PPIF: variants seen among roughly 807,000 people sequenced by gnomAD.
The protein encoded by PPIF is peptidylprolyl isomerase F.
Under a neutral mutation model 20.2 loss-of-function variants are expected in PPIF, and 23 were observed. That is an observed-to-expected ratio of 1.14 (90% confidence interval 0.82 to 1.61). PPIF has a LOEUF of 1.61. Among genes scored for constraint, PPIF ranks in the 40% most tolerant of loss-of-function variants. The pLI, the probability that PPIF is intolerant of heterozygous loss-of-function variation, is 0.00. For synonymous variants in PPIF, 113 were observed against 123.1 expected, an observed-to-expected ratio of 0.92 and a Z score of 0.54; for missense variants, 287 against 291.6, an observed-to-expected ratio of 0.98 and a Z score of 0.11.
chr10:79,353,449 G>A (rs1036534649), intron 5 of PPIF, among the ~76,000 whole-genome samples: 12 of 152,186 alleles, frequency 7.9e-5, no homozygotes, highest in African/African-American at 2.7e-4. Flanking sequence ...TGATAGATGG[G>A]GTTACCAGGA....
chr10:79,353,920 G>A lies in PPIF; in HGVS notation c.*78G>A, dbSNP rs1856015580. The A allele has an allele frequency of 1.3e-6, 2 of 1,494,550 alleles. No homozygotes were observed. Among genetic ancestry groups the A allele is most frequent in the African/African-American group, 1.4e-5 (1 of 72,802 alleles). The allele number at this position is 1,494,550 out of a possible 1,614,324, so 92.6% of individuals were successfully genotyped here. Reference sequence around the variant, plus strand: ...GTGGCCGCGTTGGGCTGTCAGCCAAGGTGCCTGAAACGATACGTGTGCCCA... The same window carrying A: ...GTGGCCGCGTTGGGCTGTCAGCCAAAGTGCCTGAAACGATACGTGTGCCCA... On this transcript the variant is annotated 3_prime_UTR_variant, in exon 6 of 6. Coordinates refer to ENST00000225174, the MANE Select transcript of PPIF (RefSeq NM_005729.4).
In PPIF at chr10:79,347,659, G is replaced by T. The variant is rs758391428; in HGVS notation, c.111G>T (p.Pro37=). Residue 37 remains proline (P), a synonymous_variant, in exon 1 of 6, where the codon CCG becomes CCT. Transcript: ENST00000225174. The part of the protein sequence containing the change: ...ARACSKGSGD[P]SSSSSSGNPL... Reference sequence around the variant, plus strand: ...CCTGCAGCAAGGGCTCCGGCGACCCGTCCTCTTCCTCCTCCTCCGGGAACC... The same window carrying T: ...CCTGCAGCAAGGGCTCCGGCGACCCTTCCTCTTCCTCCTCCTCCGGGAACC... 2.0e-6 allele frequency: 3 copies of T among 1,470,550 alleles called. No individual in the cohort carries two copies. The highest frequency in any genetic ancestry group is 2.7e-6 in the Non-Finnish European group (3 of 1,107,406). The allele number at this position is 1,470,550 out of a possible 1,614,324, so 91.1% of individuals were successfully genotyped here.
At chr10:79,351,704 C>T (rs1027965209) in intron 4 of PPIF, 121 bp downstream of exon 4, 2 of 819,888 alleles carry the variant, frequency 2.4e-6, no homozygotes, top group South Asian at 1.7e-5. Flanking sequence ...CTCCTTCCTC[C>T]CTGCGACACT....
intron 2 of PPIF, 105 bp from the exon 3 acceptor site, chr10:79,349,560 C>A: frequency 1.3e-6 from 2 of 1,536,444 alleles, no homozygotes; most frequent in South Asian, 2.4e-5. Context: ...GAGTCTTTAT[C>A]CCCCTGTTCA....
At position 79,354,213 on chromosome 10, in the gene PPIF, G is replaced by C. The variant is rs777521085; in HGVS notation, c.*371G>C. 2.2e-5 allele frequency: 6 copies of C among 275,142 alleles called. No homozygotes were observed. The highest frequency in any genetic ancestry group is 4.2e-5 in the Non-Finnish European group (6 of 141,276). The allele number at this position is 275,142 out of a possible 1,614,324, so 17.0% of individuals were successfully genotyped here. ...AGGGGGACAGTCAGTTTTGCAAAAG[G>C]ACTCTAATACCTGTTTAATATTGTC... On this transcript the variant is annotated 3_prime_UTR_variant, in exon 6 of 6. Transcript: ENST00000225174.
At position 79,347,692 on chromosome 10, in the gene PPIF, G is replaced by C; in HGVS notation, c.144G>C (p.Val48=). 6.8e-7 allele frequency: 1 copy of C among 1,477,898 alleles called. No individual in the cohort carries two copies. 91.5% of individuals were successfully genotyped at this position (1,477,898 alleles called of 1,614,324 possible). A position where few individuals can be genotyped will look rare whatever the true frequency, so the allele number is the denominator to read the frequency against. The change falls in exon 1 of 6, where the codon GTG becomes GTC. Residue 48 remains valine (V), a synonymous_variant. Coordinates refer to ENST00000225174, the MANE Select transcript of PPIF (RefSeq NM_005729.4). ...SSSSSSGNPL[V]YLDVDANGKP... ...CCTCCTCCTCCGGGAACCCGCTCGT[G>C]TACCTGGACGTGGACGCCAACGGGA...
chr10:79,349,644 G>A lies in PPIF; in HGVS notation c.227-21G>A, dbSNP rs762207397. On this transcript the variant is annotated intron_variant, in intron 2 of 5. Coordinates refer to ENST00000225174, the MANE Select transcript of PPIF (RefSeq NM_005729.4). ...AATTGGGGCCTGGCCCTGTTGACCT[G>A]TGTTTCTCTTCGACCCTCAGAGAAC... 3.7e-6 allele frequency: 6 copies of A among 1,612,646 alleles called. No homozygotes were observed. In the South Asian group the frequency reaches 5.5e-5, roughly 15 times the overall value.
At chr10:79,348,877 C>T (rs974719000) in intron 1 of PPIF, among the ~76,000 whole-genome samples, 199 bp from the exon 2 acceptor site, 23 of 152,206 alleles carry the variant, frequency 1.5e-4, no homozygotes, top group African/African-American at 5.3e-4. Flanking sequence ...CCACCTCCTC[C>T]AGCCTTGGGT....
At chr10:79,353,482 A>G (rs1856007444) in intron 5 of PPIF, among the ~76,000 whole-genome samples, 1 of 152,244 alleles carries the variant, frequency 6.6e-6, no homozygotes, top group Non-Finnish European at 1.5e-5. Flanking sequence ...GGCCTGAGGC[A>G]AGGTCACAAC....
rs115086648 is a variant in PPIF at position 79,349,178 on chromosome 10, G to C, written c.226+72G>C. 3.4e-3 allele frequency: 5,522 copies of C among 1,612,372 alleles called. 53 individuals are homozygous for C. The highest frequency in any genetic ancestry group is 0.031 in the Middle Eastern group (185 of 6,058). On this transcript the variant is annotated intron_variant, in intron 2 of 5. Coordinates refer to ENST00000225174, the MANE Select transcript of PPIF (RefSeq NM_005729.4). ...GGCCAGGCAGGGCAAGGTGGGTGGC[G>C]TGATGAGAAGAGTCGGGGCTCAGAG...
chr10:79,351,480 C>T lies in PPIF; in HGVS notation c.316-7C>T. 6.2e-7 allele frequency: 1 copy of T among 1,613,848 alleles called. No individual in the cohort carries two copies. The highest frequency in any genetic ancestry group is 8.5e-7 in the Non-Finnish European group (1 of 1,179,802). On this transcript the variant is annotated splice_region_variant and splice_polypyrimidine_tract_variant and intron_variant, in intron 3 of 5. Transcript: ENST00000225174. ...GTAGCCACTCAGAAGGTGCTTTGTGCTCACAGGCGGGCGACTTCACCAACC... is the reference window on the plus strand; with the variant it reads ...GTAGCCACTCAGAAGGTGCTTTGTGTTCACAGGCGGGCGACTTCACCAACC...
intron 5 of PPIF, 50 bp from the exon 6 acceptor site, chr10:79,353,657 G>A (rs543482815): frequency 2.5e-6 from 4 of 1,613,820 alleles, no homozygotes; most frequent in Non-Finnish European, 3.4e-6. Context: ...CCATGGCATT[G>A]GATGACATTG....
rs1367311636 is a variant in PPIF, at chr10:79,349,689, G to C, written c.251G>C (p.Gly84Ala). Residue 84 changes from glycine to alanine, a missense_variant, in exon 3 of 6, where the codon GGT (glycine) becomes GCT (alanine). Transcript: ENST00000225174. ...GAGAACTTCAGAGCCCTGTGCACTG[G>C]TGAGAAGGGCTTCGGCTACAAAGGC... Reference protein sequence around the residue: ...TAENFRALCTGEKGFGYKGST... With the variant: ...TAENFRALCTAEKGFGYKGST... 6.2e-7 allele frequency: 1 copy of C among 1,613,784 alleles called. No individual in the cohort carries two copies. The highest frequency in any genetic ancestry group is 8.5e-7 in the Non-Finnish European group (1 of 1,180,014).
At position 79,353,723 on chromosome 10, in the gene PPIF, G is replaced by A. The variant is rs1856011775; in HGVS notation, c.505G>A (p.Val169Ile). Residue 169 changes from valine (V) to isoleucine (I), a missense_variant, in exon 6 of 6, where the codon GTT becomes ATT. Val to Ile is a conservative substitution (Grantham distance 29, BLOSUM62 3). Coordinates refer to ENST00000225174, the MANE Select transcript of PPIF (RefSeq NM_005729.4). ...TCCTCACAGGTTGGATGGCAAGCAT[G>A]TTGTGTTCGGTCACGTCAAAGAGGG... Reference protein sequence around the residue: ...IKTDWLDGKHVVFGHVKEGMD... With the variant: ...IKTDWLDGKHIVFGHVKEGMD... The A allele has an allele frequency of 1.2e-6, 2 of 1,614,260 alleles. No individual in the cohort carries two copies. The highest frequency in any genetic ancestry group is 1.1e-5 in the South Asian group (1 of 91,088).
At position 79,349,059 on chromosome 10, in the gene PPIF, T is replaced by C; in HGVS notation, c.196-17T>C. ...CTCCAATGACCATCCTCTTTTGTCCTTCTTCTCCCCCAACAGCTGAAGGCA... is the reference window on the plus strand; with the variant it reads ...CTCCAATGACCATCCTCTTTTGTCCCTCTTCTCCCCCAACAGCTGAAGGCA... On this transcript the variant is annotated splice_polypyrimidine_tract_variant and intron_variant, in intron 1 of 5. Coordinates refer to ENST00000225174, the MANE Select transcript of PPIF (RefSeq NM_005729.4). 1 of 1,613,896 alleles carries C rather than the reference T, an allele frequency of 6.2e-7. No homozygotes were observed. The highest frequency in any genetic ancestry group is 8.5e-7 in the Non-Finnish European group (1 of 1,179,958).
chr10:79,347,613 T>C lies in PPIF; in HGVS notation c.65T>C (p.Leu22Pro). The part of the protein sequence containing the change: ...GLLSVPRSVP[L>P]RLPAARACSK... ...CTCTCCGTCCCGCGCTCCGTGCCGC[T>C]GCGCCTCCCCGCGGCCCGCGCCTGC... The change falls in exon 1 of 6, where the codon CTG becomes CCG. Residue 22 changes from leucine to proline, a missense_variant. Transcript: ENST00000225174. The C allele has an allele frequency of 6.9e-7, 1 of 1,440,364 alleles. No homozygotes were observed. Among genetic ancestry groups the C allele is most frequent in the South Asian group, 1.4e-5 (1 of 71,928 alleles). The allele number at this position is 1,440,364 out of a possible 1,614,324, so 89.2% of individuals were successfully genotyped here.
chr10:79,348,938 A>C, intron 1 of PPIF, 138 bp from the exon 2 acceptor site: 1 of 1,590,556 alleles, frequency 6.3e-7, no homozygotes, highest in Non-Finnish European at 8.6e-7. Flanking sequence ...GGGGGTTGGC[A>C]ATAATGGGAA....
rs758091687 is a variant in PPIF at position 79,351,582 on chromosome 10, A to G, written c.411A>G (p.Pro137=). ...ACTTTACACTGAAGCACGTGGGGCCAGGTGAGTGGGGGCCTCCTCTAGGGT... is the reference window on the plus strand; with the variant it reads ...ACTTTACACTGAAGCACGTGGGGCCGGGTGAGTGGGGGCCTCCTCTAGGGT... ...DENFTLKHVG[P]GVLSMANAGP... Residue 137 remains proline (P), a splice_region_variant and synonymous_variant, in exon 4 of 6, where the codon CCA becomes CCG. Coordinates refer to ENST00000225174, the MANE Select transcript of PPIF (RefSeq NM_005729.4). 23 of 1,613,608 alleles carry G rather than the reference A, an allele frequency of 1.4e-5. No individual in the cohort carries two copies. Among genetic ancestry groups the G allele is most frequent in the Non-Finnish European group, 1.9e-5 (22 of 1,179,622 alleles).
chr10:79,350,809 C>T (rs1328183025), intron 3 of PPIF, among the ~76,000 whole-genome samples: 1 of 152,202 alleles, frequency 6.6e-6, no homozygotes, highest in Non-Finnish European at 1.5e-5. Flanking sequence ...TGGTCAGTTC[C>T]CCTCTCTTAC....
Sources: gnomAD v4.1 joint callset for allele counts (sites outside exome capture counted in the v4.1 genomes callset) on GRCh38, gnomAD v4.1.1 for gene constraint, MANE v1.5 for transcripts, NCBI Gene and HGNC (gene_info 2026-07-23, HGNC 2026-07-21) for gene names.